SORCS1: variants seen among roughly 807,000 people sequenced by gnomAD.
SORCS1 encodes sortilin related VPS10 domain containing receptor 1, also known as VPS10 domain-containing receptor SorCS1.
A neutral mutation model predicts 146.1 loss-of-function variants in SORCS1; 60 were observed. The observed-to-expected ratio is 0.41, with a 90% CI of 0.33 to 0.51. The LOEUF (loss-of-function observed/expected upper bound fraction) is 0.51, where lower values mean the gene tolerates loss of function less well. SORCS1 is among the 20% of genes least tolerant of loss of function. The pLI is 0.21. For synonymous variants in SORCS1, 637 were observed against 584.0 expected (o/e 1.09, Z -1.31); for missense variants, 1,352 against 1,487.6 (o/e 0.91, Z 1.50).
At chr10:106,705,076 G>A (rs537117335) in intron 8 of SORCS1, among the ~76,000 whole-genome samples, 1 of 151,984 alleles carries the variant, frequency 6.6e-6, no homozygotes, top group African/African-American at 2.4e-5. Flanking sequence ...CAACTTAAGT[G>A]TTGTAAATTC....
chr10:106,628,408 A>G (rs928281104), intron 19 of SORCS1, among the ~76,000 whole-genome samples: 1 of 152,194 alleles, frequency 6.6e-6, no homozygotes, highest in Non-Finnish European at 1.5e-5. Flanking sequence ...TTTGAACAAG[A>G]CCATTCATAT....
At chr10:106,837,766 CCA>C (rs1428665336) in intron 2 of SORCS1, among the ~76,000 whole-genome samples, 1 of 151,894 alleles carries the variant, frequency 6.6e-6, no homozygotes, top group Non-Finnish European at 1.5e-5. Context: ...CACTCACATT[CCA>C]GTCTTGTCCC....
intron 1 of SORCS1, among the ~76,000 whole-genome samples, chr10:107,001,486 G>A (rs1007096473): frequency 2.6e-5 from 4 of 152,142 alleles, no homozygotes; most frequent in Non-Finnish European, 5.9e-5. Context: ...TCTGGGATAG[G>A]AGTAATAGGA....
At chr10:106,678,568 A>G (rs1017268335) in intron 12 of SORCS1, among the ~76,000 whole-genome samples, 1 of 152,218 alleles carries the variant, frequency 6.6e-6, no homozygotes, top group Admixed American at 6.5e-5. Context: ...GTAGGTTATT[A>G]AAACATATTG....
intron 1 of SORCS1, among the ~76,000 whole-genome samples, chr10:107,088,063 C>A (rs1244403075): frequency 6.6e-6 from 1 of 151,940 alleles, no homozygotes; most frequent in Non-Finnish European, 1.5e-5. Context: ...GGACTACAGG[C>A]ACCCACCACC....
At chr10:107,081,936 T>C (rs992306558) in intron 1 of SORCS1, among the ~76,000 whole-genome samples, 2 of 152,200 alleles carry the variant, frequency 1.3e-5, no homozygotes, top group Non-Finnish European at 2.9e-5. Flanking sequence ...ACAGCAAAGA[T>C]AACATGCAGA....
chr10:107,120,112 A>G (rs1374952807), intron 1 of SORCS1, among the ~76,000 whole-genome samples: 1 of 152,096 alleles, frequency 6.6e-6, no homozygotes, highest in Non-Finnish European at 1.5e-5. Flanking sequence ...TATCATTCTT[A>G]CTGTTTATTA....
At chr10:106,690,992 G>C (rs755083124) in intron 9 of SORCS1, among the ~76,000 whole-genome samples, 56 of 152,092 alleles carry the variant, frequency 3.7e-4, no homozygotes, top group Admixed American at 9.8e-4. Context: ...GCTATCAAGG[G>C]GACTAATACC....
At chr10:107,099,874 G>C (rs951343647) in intron 1 of SORCS1, among the ~76,000 whole-genome samples, 1 of 152,202 alleles carries the variant, frequency 6.6e-6, no homozygotes, top group Admixed American at 6.5e-5. Context: ...CATGATTTCT[G>C]ACCTCACTGA....
intron 6 of SORCS1, among the ~76,000 whole-genome samples, chr10:106,728,426 C>G (rs575865919): frequency 6.6e-6 from 1 of 152,306 alleles, no homozygotes; most frequent in Non-Finnish European, 1.5e-5. Flanking sequence ...GAAAGCTGCT[C>G]TGACCTGTTG....
intron 9 of SORCS1, among the ~76,000 whole-genome samples, chr10:106,694,057 G>A (rs1853505230): frequency 6.6e-6 from 1 of 152,118 alleles, no homozygotes; most frequent in South Asian, 2.1e-4. Context: ...CAATTTCTTT[G>A]GGCTTTGTGG....
intron 1 of SORCS1, among the ~76,000 whole-genome samples, chr10:107,058,751 A>G (rs1052244566): frequency 8.5e-5 from 13 of 152,242 alleles, no homozygotes; most frequent in Non-Finnish European, 1.5e-4. Flanking sequence ...AATAAATGTT[A>G]GCAATCACAA....
intron 1 of SORCS1, among the ~76,000 whole-genome samples, chr10:106,983,793 G>A (rs755955513): frequency 6.6e-6 from 1 of 152,176 alleles, no homozygotes; most frequent in East Asian, 1.9e-4. Flanking sequence ...ACTTAACACG[G>A]AAGAGCAGCA....
intron 2 of SORCS1, among the ~76,000 whole-genome samples, chr10:106,857,209 G>A (rs1033382477): frequency 6.6e-6 from 1 of 152,180 alleles, no homozygotes; most frequent in Admixed American, 6.5e-5. Context: ...TAATGGGCAC[G>A]TACTGAACCA....
intron 9 of SORCS1, among the ~76,000 whole-genome samples, chr10:106,693,460 G>A (rs930986844): frequency 2.6e-5 from 4 of 152,060 alleles, no homozygotes; most frequent in African/African-American, 2.4e-5. Flanking sequence ...GAGAAATATC[G>A]TATCAGAATG....
intron 3 of SORCS1, among the ~76,000 whole-genome samples, chr10:106,825,664 T>C (rs1948270661): frequency 6.6e-6 from 1 of 152,102 alleles, no homozygotes. Context: ...TTAAATCATC[T>C]TTTCTTACAG....
At chr10:107,059,842 T>A (rs193220639) in intron 1 of SORCS1, among the ~76,000 whole-genome samples, 105 of 151,402 alleles carry the variant, frequency 6.9e-4, no homozygotes, top group Non-Finnish European at 2.8e-4. Flanking sequence ...GACCCTACTT[T>A]ATTTTATGCT....
intron 2 of SORCS1, among the ~76,000 whole-genome samples, chr10:106,871,369 C>T (rs1390379140): frequency 6.6e-6 from 1 of 152,168 alleles, no homozygotes; most frequent in Non-Finnish European, 1.5e-5. Flanking sequence ...ACCATTCCAC[C>T]CAGCAATCCC....
intron 24 of SORCS1, among the ~76,000 whole-genome samples, chr10:106,590,377 C>T (rs1305090467): frequency 1.3e-5 from 2 of 152,018 alleles, no homozygotes; most frequent in Non-Finnish European, 2.9e-5. Context: ...ATCTCATATG[C>T]CCTGATAAAC....
Sources: gnomAD v4.1 joint callset for allele counts (sites outside exome capture counted in the v4.1 genomes callset) on GRCh38, gnomAD v4.1.1 for gene constraint, MANE v1.5 for transcripts, NCBI Gene and HGNC (gene_info 2026-07-23, HGNC 2026-07-21) for gene names.